RGPD1: variants seen among roughly 807,000 people sequenced by gnomAD.
RGPD1 encodes the protein RANBP2-like and GRIP domain-containing protein 1.
In RGPD1, 7 loss-of-function variants were observed where a neutral mutation model predicts 40.6. That is an observed-to-expected ratio of 0.17 (90% CI 0.10 to 0.32). The LOEUF (loss-of-function observed/expected upper bound fraction) is 0.32. Among genes scored for constraint, RGPD1 ranks in the 10% least tolerant of loss-of-function variants. The pLI, the probability that RGPD1 is intolerant of heterozygous loss-of-function variation, is 1.00. For missense variants in RGPD1, 50 were observed against 472.5 expected (o/e 0.11, Z 8.29); for synonymous variants, 24 against 167.0 (o/e 0.14, Z 6.60).
At chr2:86,945,115 C>T (rs1477830310) in intron 1 of RGPD1, among the ~76,000 whole-genome samples, 1 of 151,126 alleles carries the variant, frequency 6.6e-6, no homozygotes. Context: ...AGATTAAAAA[C>T]CACTGGTCTA....
At chr2:86,955,734 CTG>C (rs1680681799) in intron 4 of RGPD1, among the ~76,000 whole-genome samples, 1 of 95,564 alleles carries the variant, frequency 1.0e-5, no homozygotes, top group South Asian at 4.8e-4. Flanking sequence ...ATAAATATTA[CTG>C]ATAAGTTTTT....
chr2:86,928,649 G>A (rs998583675), intron 1 of RGPD1, among the ~76,000 whole-genome samples: 3 of 152,198 alleles, frequency 2.0e-5, no homozygotes, highest in African/African-American at 7.2e-5. Flanking sequence ...TGTGGACAAT[G>A]GGAGAATAGA....
rs1436674413 is a variant in RGPD1, at chr2:86,942,144, C to T, written c.-93C>T. On this transcript the variant is annotated 5_prime_UTR_variant, in exon 1 of 23. Coordinates refer to ENST00000641458, the MANE Select transcript of RGPD1 (RefSeq NM_001382344.1). ...CACAGTGGTCCTCCGCCGGCTACGT[C>T]AGTGGCTTTCAGGCGCTTTCCTGTT... 3 of 1,493,686 alleles carry T rather than the reference C, an allele frequency of 2.0e-6. No homozygotes were observed. The highest frequency in any genetic ancestry group is 1.2e-5 in the South Asian group (1 of 83,152). 92.5% of individuals were successfully genotyped at this position (1,493,686 alleles called of 1,614,324 possible).
At chr2:87,000,650 CT>C (rs1434035488) in intron 22 of RGPD1, among the ~76,000 whole-genome samples, 2 of 84,854 alleles carry the variant, frequency 2.4e-5, no homozygotes, top group Admixed American at 2.2e-4. Context: ...TACATTTTCT[CT>C]TTAAGAGAGA....
At chr2:86,942,632 T>G (rs1679948468) in intron 1 of RGPD1, among the ~76,000 whole-genome samples, 1 of 127,442 alleles carries the variant, frequency 7.8e-6, no homozygotes, top group Admixed American at 7.6e-5. Context: ...GCGCGCTCTG[T>G]TGAGGCGCCG....
intron 1 of RGPD1, among the ~76,000 whole-genome samples, chr2:86,945,393 T>C (rs1680274987): frequency 1.3e-5 from 2 of 152,036 alleles, no homozygotes; most frequent in South Asian, 4.2e-4. Flanking sequence ...GGATAGAAGG[T>C]AAGGAATGGA....
chr2:86,936,059 G>A (rs1188081531), intron 1 of RGPD1, among the ~76,000 whole-genome samples: 1 of 132,140 alleles, frequency 7.6e-6, no homozygotes, highest in African/African-American at 2.6e-5. Flanking sequence ...GGCTGGAGGT[G>A]CAGTGGCGCA....
chr2:86,942,298 C>G lies in RGPD1; in HGVS notation c.62C>G (p.Ser21Trp). 1 of 1,598,438 alleles carries G rather than the reference C, an allele frequency of 6.3e-7. No individual in the cohort carries two copies. Among genetic ancestry groups the G allele is most frequent in the South Asian group, 1.1e-5 (1 of 88,640 alleles). The stretch of plus-strand genomic sequence containing the variant: ...GCCTCGGTGCAGGGCTCCGCCCCGT[C>G]GCCTGGAAAGGTGAGTGGATCTCGA... ...YVASVQGSAP[S>W]PGKKLRGFYF... The change falls in exon 1 of 23, where the codon TCG (serine) becomes TGG (tryptophan). Residue 21 changes from serine to tryptophan, a missense_variant. Coordinates refer to ENST00000641458, the MANE Select transcript of RGPD1 (RefSeq NM_001382344.1).
intron 1 of RGPD1, among the ~76,000 whole-genome samples, chr2:86,925,605 C>T (rs970731934): frequency 7.2e-5 from 11 of 152,078 alleles, no homozygotes; most frequent in African/African-American, 2.4e-4. Flanking sequence ...AAAATTAAGG[C>T]ATATTGTATA....
chr2:86,943,698 C>T (rs1680100049), intron 1 of RGPD1, among the ~76,000 whole-genome samples: 1 of 152,180 alleles, frequency 6.6e-6, no homozygotes, highest in Non-Finnish European at 1.5e-5. Flanking sequence ...CTACAAGTCA[C>T]TGTTTTTATT....
intron 1 of RGPD1, among the ~76,000 whole-genome samples, chr2:86,924,956 C>A (rs1280020671): frequency 6.6e-6 from 1 of 150,522 alleles, no homozygotes; most frequent in Non-Finnish European, 1.5e-5. Flanking sequence ...AGTTGTCTAC[C>A]AAAAAAATTT....
rs1199082446 is a variant in RGPD1 at position 86,926,826 on chromosome 2, T to C, written c.72+12905T>C. Among the ~76,000 whole-genome samples the C allele has an allele frequency of 7.9e-5, 12 of 152,102 alleles. No individual in the cohort carries two copies. In the East Asian group the frequency reaches 2.1e-3, roughly 27 times the overall value. On this transcript the variant is annotated intron_variant, in intron 1 of 22. Transcript: ENST00000398193. Reference sequence around the variant, plus strand: ...CTAGATAAGAACCCAGGTATTATTATTTTCAGTCTTGCAATATTATTTTCC... The same window carrying C: ...CTAGATAAGAACCCAGGTATTATTACTTTCAGTCTTGCAATATTATTTTCC...
upstream of RGPD1, among the ~76,000 whole-genome samples, chr2:86,939,164 A>G (rs1431568503): frequency 1.0e-5 from 1 of 98,368 alleles, no homozygotes; most frequent in Non-Finnish European, 2.0e-5. Context: ...AAAATGTTAT[A>G]CCACTGAACA....
chr2:86,997,035 C>A (rs1192951557), intron 21 of RGPD1, among the ~76,000 whole-genome samples: 2 of 147,118 alleles, frequency 1.4e-5, no homozygotes, highest in East Asian at 4.0e-4. Context: ...TTCCATGATA[C>A]CCTGTGCTTC....
At chr2:86,943,249 A>C in intron 1 of RGPD1, among the ~76,000 whole-genome samples, 1 of 141,040 alleles carries the variant, frequency 7.1e-6, no homozygotes. Context: ...TAAGGGTCCA[A>C]CTCCACTCAT....
At chr2:86,925,173 T>C (rs1432360566) in intron 1 of RGPD1, among the ~76,000 whole-genome samples, 3 of 152,234 alleles carry the variant, frequency 2.0e-5, no homozygotes, top group Non-Finnish European at 4.4e-5. Flanking sequence ...AGACATGAGT[T>C]CTTGACCATA....
chr2:86,984,679 G>C, intron 18 of RGPD1, 75 bp from the exon 19 acceptor site: 1 of 106,908 alleles, frequency 9.4e-6, no homozygotes, highest in Non-Finnish European at 1.4e-5. Flanking sequence ...TGTATTTATA[G>C]CTCTTGCCTA....
At chr2:86,943,331 A>T (rs1425312770) in intron 1 of RGPD1, among the ~76,000 whole-genome samples, 1 of 141,516 alleles carries the variant, frequency 7.1e-6, no homozygotes, top group Non-Finnish European at 1.5e-5. Flanking sequence ...AAAAAAAAAA[A>T]ATTCTAAAGT....
Position 86,942,150 on chromosome 2 carries a change from C to A in RGPD1, c.-87C>A. The A allele has an allele frequency of 1.3e-6, 2 of 1,507,820 alleles. No individual in the cohort carries two copies. The highest frequency in any genetic ancestry group is 2.4e-5 in the South Asian group (2 of 83,352). The allele number at this position is 1,507,820 out of a possible 1,614,324, so 93.4% of individuals were successfully genotyped here. A position where few individuals can be genotyped will look rare whatever the true frequency, so the allele number is the denominator to read the frequency against. On this transcript the variant is annotated 5_prime_UTR_variant, in exon 1 of 23. Coordinates refer to ENST00000641458, the MANE Select transcript of RGPD1 (RefSeq NM_001382344.1). ...GGTCCTCCGCCGGCTACGTCAGTGG[C>A]TTTCAGGCGCTTTCCTGTTGGAATT...
Sources: allele counts gnomAD v4.1 joint callset (sites outside exome capture counted in the v4.1 genomes callset), GRCh38; gene constraint gnomAD v4.1.1; transcripts MANE v1.5; gene names NCBI Gene and HGNC (gene_info 2026-07-23, HGNC 2026-07-21).